SLC22A4: variants seen among roughly 807,000 people sequenced by gnomAD.
SLC22A4 encodes solute carrier family 22 member 4.
In SLC22A4, 39 loss-of-function variants were observed where a neutral mutation model predicts 56.6. The observed-to-expected ratio is 0.69, with a 90% CI of 0.53 to 0.90. The LOEUF (loss-of-function observed/expected upper bound fraction) is 0.90. SLC22A4 is among the 40% of genes least tolerant of loss of function. The pLI is 0.00. For missense variants in SLC22A4, 594 were observed against 696.5 expected (o/e 0.85, Z 1.66); for synonymous variants, 241 against 281.4 (o/e 0.86, Z 1.44).
chr5:132,337,739 C>CT lies in SLC22A4; in HGVS notation c.1444+1752dup, dbSNP rs751483738. On this transcript the variant is annotated intron_variant, in intron 8 of 9. Coordinates refer to ENST00000200652, the MANE Select transcript of SLC22A4 (RefSeq NM_003059.3). ...AACTGACTGCTCATGTTCTTTGCCC[C>CT]TTTTTTTTTTTTTGGAGATGGAGTC... is the stretch of plus-strand genomic sequence containing the variant. Among the ~76,000 whole-genome samples the CT allele has an allele frequency of 5.7e-3, 816 of 141,970 alleles. 4 individuals carry two copies. The highest frequency in any genetic ancestry group is 0.013 in the African/African-American group (492 of 38,938). 93.1% of individuals were successfully genotyped at this position (141,970 alleles called of 152,430 possible). A position where few individuals can be genotyped will look rare whatever the true frequency, so the allele number is the denominator to read the frequency against.
At chr5:132,338,385 G>A (rs184344506) in intron 8 of SLC22A4, among the ~76,000 whole-genome samples, 5 of 152,278 alleles carry the variant, frequency 3.3e-5, no homozygotes, top group Admixed American at 6.5e-5. Context: ...CCACAGGACC[G>A]GGGCAAAATT....
intron 1 of SLC22A4, among the ~76,000 whole-genome samples, chr5:132,301,503 G>A (rs553171306): frequency 1.1e-4 from 16 of 152,336 alleles, no homozygotes; most frequent in African/African-American, 3.8e-4. Flanking sequence ...AAAGGGCCTG[G>A]ACCTCTGGTG....
Position 132,344,091 on chromosome 5 carries a change from T to TCTTA in SLC22A4, c.*256_*257insCTTA. Reference sequence around the variant, plus strand: ...GGATTGGTAAGATGTCTTGAAAACATGTTAGTCAAGGACTGGTAAAATACA... The same window carrying TCTTA: ...GGATTGGTAAGATGTCTTGAAAACATCTTAGTTAGTCAAGGACTGGTAAAATACA... On this transcript the variant is annotated 3_prime_UTR_variant, in exon 10 of 10. Transcript: ENST00000200652. The TCTTA allele has an allele frequency of 2.2e-6, 1 of 451,928 alleles. No individual in the cohort carries two copies. The highest frequency in any genetic ancestry group is 3.9e-6 in the Non-Finnish European group (1 of 254,278). The allele number at this position is 451,928 out of a possible 1,614,324, so 28.0% of individuals were successfully genotyped here. A position where few individuals can be genotyped will look rare whatever the true frequency, so the allele number is the denominator to read the frequency against.
chr5:132,327,266 A>C lies in SLC22A4; in HGVS notation c.825-11A>C. On this transcript the variant is annotated splice_polypyrimidine_tract_variant and intron_variant, in intron 4 of 9. Transcript: ENST00000200652. ...TGTGAAAAATTATTAAATATTAAAA[A>C]TAAATTATAGGTTCATTCCTGAATC... 1.3e-6 allele frequency: 2 copies of C among 1,528,226 alleles called. No individual in the cohort carries two copies. Among genetic ancestry groups the C allele is most frequent in the African/African-American group, 1.4e-5 (1 of 72,368 alleles). 94.7% of individuals were successfully genotyped at this position (1,528,226 alleles called of 1,614,324 possible).
At chr5:132,325,051 C>G (rs1052326929) in intron 4 of SLC22A4, among the ~76,000 whole-genome samples, 2 of 151,856 alleles carry the variant, frequency 1.3e-5, no homozygotes, top group Admixed American at 1.3e-4. Context: ...TGTGTATAGG[C>G]GGTGGGGATG....
At chr5:132,299,733 C>T (rs577667540) in intron 1 of SLC22A4, among the ~76,000 whole-genome samples, 3 of 152,240 alleles carry the variant, frequency 2.0e-5, no homozygotes, top group Admixed American at 6.5e-5. Context: ...GGATTACAGG[C>T]GTGAGCCACC....
In SLC22A4 at chr5:132,335,997, C is replaced by G; in HGVS notation, c.1441C>G (p.Leu481Val). 1 of 1,613,674 alleles carries G rather than the reference C, an allele frequency of 6.2e-7. No individual in the cohort carries two copies. Among genetic ancestry groups the G allele is most frequent in the Non-Finnish European group, 8.5e-7 (1 of 1,179,554 alleles). Residue 481 changes from leucine to valine, a missense_variant, in exon 8 of 10, where the codon CTC becomes GTC. Transcript: ENST00000200652. ...CATCATTGCCCCCTACTTTGTTTACCTCGGTGAGCTGCATCTTGTGCATTT... is the reference window on the plus strand; with the variant it reads ...CATCATTGCCCCCTACTTTGTTTACGTCGGTGAGCTGCATCTTGTGCATTT... The part of the protein sequence containing the change: ...GSIIAPYFVY[L>V]GAYNRMLPYI...
intron 5 of SLC22A4, among the ~76,000 whole-genome samples, chr5:132,328,870 C>T (rs1486343027): frequency 2.0e-5 from 3 of 147,052 alleles, no homozygotes; most frequent in Admixed American, 2.0e-4. Context: ...CACACACACG[C>T]ATATATAAAT....
intron 9 of SLC22A4, among the ~76,000 whole-genome samples, chr5:132,341,432 T>C (rs1324876863): frequency 6.6e-6 from 1 of 151,812 alleles, no homozygotes; most frequent in African/African-American, 2.4e-5. Context: ...ATAATAATAA[T>C]AGTAATAAAG....
intron 1 of SLC22A4, chr5:132,311,871 C>A: frequency 2.0e-6 from 1 of 497,090 alleles, no homozygotes. Context: ...ATGGCCTTGG[C>A]TGGCTTCTTG....
chr5:132,305,131 T>C (rs1227510230), intron 1 of SLC22A4, among the ~76,000 whole-genome samples: 10 of 152,002 alleles, frequency 6.6e-5, no homozygotes, highest in Non-Finnish European at 1.5e-4. Flanking sequence ...TATACAATAA[T>C]TGAAATTTAA....
In SLC22A4 at chr5:132,331,858, AT is replaced by A; in HGVS notation, c.1046+9del. 6.5e-7 allele frequency: 1 copy of A among 1,548,782 alleles called. No individual in the cohort carries two copies. The highest frequency in any genetic ancestry group is 1.1e-5 in the South Asian group (1 of 89,860). ...TATGTCTTTGCTGCTATGGTAAGTA[AT>A]AAGTGACCTGGAAATGCAGATATCC... On this transcript the variant is annotated intron_variant, in intron 6 of 9. Coordinates refer to ENST00000200652, the MANE Select transcript of SLC22A4 (RefSeq NM_003059.3).
chr5:132,303,285 C>T (rs1026284987), intron 1 of SLC22A4, among the ~76,000 whole-genome samples: 2 of 151,914 alleles, frequency 1.3e-5, no homozygotes, highest in African/African-American at 4.9e-5. Flanking sequence ...ACAGCCATAA[C>T]TGGTGAAAAT....
intron 3 of SLC22A4, among the ~76,000 whole-genome samples, chr5:132,317,821 T>C (rs1183327357): frequency 6.6e-6 from 1 of 152,242 alleles, no homozygotes; most frequent in East Asian, 1.9e-4. Context: ...TATTTTATTG[T>C]ATTTAAATTT....
Position 132,294,664 on chromosome 5 carries a change from C to T in SLC22A4, c.48C>T (p.Pro16=). The change falls in exon 1 of 10, where the codon CCC becomes CCT. Residue 16 remains proline (P), a synonymous_variant. Coordinates refer to ENST00000200652, the MANE Select transcript of SLC22A4 (RefSeq NM_003059.3). The surrounding 1 kb of genome is among the most constrained non-coding windows in gnomAD (Gnocchi z 5.6). ...TCGCCTTCCTGGGCGAGTGGGGGCC[C>T]TTCCAGCGCCTCATCTTCTTCCTGC... The part of the protein sequence containing the change: ...EVIAFLGEWG[P]FQRLIFFLLS... The T allele has an allele frequency of 6.2e-7, 1 of 1,614,194 alleles. No individual in the cohort carries two copies. Among genetic ancestry groups the T allele is most frequent in the East Asian group, 2.2e-5 (1 of 44,868 alleles).
At position 132,340,631 on chromosome 5, in the gene SLC22A4, C is replaced by T. The variant is rs1751186953; in HGVS notation, c.1511C>T (p.Thr504Ile). 3 of 1,613,598 alleles carry T rather than the reference C, an allele frequency of 1.9e-6. No homozygotes were observed. The highest frequency in any genetic ancestry group is 1.7e-6 in the Non-Finnish European group (2 of 1,179,680). Reference sequence around the variant, plus strand: ...CTGACTGTCCTGATTGGAATCCTCACCCTTTTTTTCCCTGAAAGTTTGGGA... The same window carrying T: ...CTGACTGTCCTGATTGGAATCCTCATCCTTTTTTTCCCTGAAAGTTTGGGA... Reference protein sequence around the residue: ...GSLTVLIGILTLFFPESLGMT... With the variant: ...GSLTVLIGILILFFPESLGMT... The change falls in exon 9 of 10, where the codon ACC (threonine) becomes ATC (isoleucine). Residue 504 changes from threonine to isoleucine, a missense_variant. Thr to Ile is a moderately conservative substitution (Grantham distance 89). Coordinates refer to ENST00000200652, the MANE Select transcript of SLC22A4 (RefSeq NM_003059.3).
rs149056206 is a variant in SLC22A4, at chr5:132,337,631, T to A, written c.1444+1631T>A. ...TTATGTGAAAAATGGATATCATTGTTACTTTCATTCCTATTTATTAATTAT... is the reference window on the plus strand; with the variant it reads ...TTATGTGAAAAATGGATATCATTGTAACTTTCATTCCTATTTATTAATTAT... On this transcript the variant is annotated intron_variant, in intron 8 of 9. Coordinates refer to ENST00000200652, the MANE Select transcript of SLC22A4 (RefSeq NM_003059.3). Among the ~76,000 whole-genome samples the A allele has an allele frequency of 8.4e-4, 128 of 152,210 alleles. 2 individuals carry two copies. In the East Asian group the frequency reaches 0.019, roughly 23 times the overall value.
intron 8 of SLC22A4, among the ~76,000 whole-genome samples, chr5:132,340,308 C>T (rs1008490459): frequency 2.0e-5 from 3 of 152,088 alleles, no homozygotes; most frequent in Non-Finnish European, 2.9e-5. Flanking sequence ...ATCTGTCACA[C>T]ATGACTGAGT....
intron 1 of SLC22A4, 139 bp downstream of exon 1, chr5:132,295,148 G>A: frequency 9.8e-7 from 1 of 1,016,668 alleles, no homozygotes; most frequent in Non-Finnish European, 1.5e-6. Flanking sequence ...CCAGCAGCGG[G>A]TGTGCACCCC....
Sources: allele counts gnomAD v4.1 joint callset (sites outside exome capture counted in the v4.1 genomes callset), GRCh38; gene constraint gnomAD v4.1.1; non-coding constraint Gnocchi (gnomAD v3.1); transcripts MANE v1.5; gene names NCBI Gene and HGNC (gene_info 2026-07-23, HGNC 2026-07-21).